SOS1: variants seen among roughly 807,000 people sequenced by gnomAD.
SOS1 encodes son of sevenless homolog 1.
A neutral mutation model predicts 157.6 loss-of-function variants in SOS1; 25 were observed. The ratio of observed to expected loss-of-function variants is 0.16; its 90% CI spans 0.12 to 0.22. The LOEUF is 0.22. SOS1 is among the 10% of genes least tolerant of loss of function. SOS1 has a pLI of 1.00. For missense variants in SOS1, 1,237 were observed against 1,599.1 expected, an observed-to-expected ratio of 0.77 and a Z score of 3.86; for synonymous variants, 528 against 534.0, an observed-to-expected ratio of 0.99 and a Z score of 0.16.
chr2:39,000,545 TTA>T (rs1442546027), intron 17 of SOS1, among the ~76,000 whole-genome samples: 4 of 152,156 alleles, frequency 2.6e-5, no homozygotes, highest in Non-Finnish European at 1.5e-5. Flanking sequence ...AAACAGAGCA[TTA>T]TGACAAAGAA....
At chr2:39,098,831 G>A (rs1672864753) in intron 1 of SOS1, among the ~76,000 whole-genome samples, 1 of 152,172 alleles carries the variant, frequency 6.6e-6, no homozygotes, top group South Asian at 2.1e-4. Context: ...GGAGGTTGCA[G>A]TGAGCCAAGA....
chr2:39,077,818 G>C (rs1323391469), intron 1 of SOS1, among the ~76,000 whole-genome samples: 1 of 152,156 alleles, frequency 6.6e-6, no homozygotes, highest in African/African-American at 2.4e-5. Context: ...GATGGATCAA[G>C]TACATAACGG....
intron 1 of SOS1, among the ~76,000 whole-genome samples, chr2:39,087,753 T>C (rs938475150): frequency 6.6e-6 from 1 of 151,974 alleles, no homozygotes; most frequent in African/African-American, 2.4e-5. Flanking sequence ...ACTGCAACCT[T>C]TGCCTCCCCT....
chr2:39,109,732 T>C (rs1202574763), intron 1 of SOS1, among the ~76,000 whole-genome samples: 1 of 152,190 alleles, frequency 6.6e-6, no homozygotes, highest in Non-Finnish European at 1.5e-5. Flanking sequence ...AACTGGGACA[T>C]TACCACTTTC....
At chr2:39,000,728 TC>T (rs1283757799) in intron 17 of SOS1, among the ~76,000 whole-genome samples, 1 of 152,254 alleles carries the variant, frequency 6.6e-6, no homozygotes, top group Non-Finnish European at 1.5e-5. Flanking sequence ...CTCTGCTCTT[TC>T]AAGGGAACAG....
intron 1 of SOS1, among the ~76,000 whole-genome samples, chr2:39,107,543 C>A (rs934281869): frequency 2.0e-5 from 3 of 151,962 alleles, no homozygotes; most frequent in African/African-American, 7.2e-5. Flanking sequence ...CCTTTTCCCC[C>A]CTCACAAGCA....
intron 20 of SOS1, 66 bp from the exon 21 acceptor site, chr2:38,989,380 A>C: frequency 1.0e-6 from 1 of 966,914 alleles, no homozygotes; most frequent in South Asian, 1.3e-5. Flanking sequence ...CATCTGCAAA[A>C]ATTTGTATTA....
At chr2:39,090,764 T>C (rs892439711) in intron 1 of SOS1, among the ~76,000 whole-genome samples, 3 of 152,202 alleles carry the variant, frequency 2.0e-5, no homozygotes, top group Admixed American at 6.5e-5. Context: ...AATGTATAGT[T>C]TATGTATATC....
intron 1 of SOS1, among the ~76,000 whole-genome samples, chr2:39,113,023 C>A (rs1457705231): frequency 3.3e-5 from 5 of 149,954 alleles, no homozygotes; most frequent in African/African-American, 4.9e-5. Context: ...GCGACAAGAG[C>A]AAGACTCTGT....
intron 6 of SOS1, among the ~76,000 whole-genome samples, chr2:39,045,271 A>AGTGTGTGTGT (rs1378934092): frequency 2.8e-5 from 2 of 71,102 alleles, no homozygotes; most frequent in African/African-American, 1.5e-4. Flanking sequence ...AGAGAGAGAG[A>AGTGTGTGTGT]GAGTGTGTGT....
At chr2:39,105,458 G>C (rs566800476) in intron 1 of SOS1, among the ~76,000 whole-genome samples, 52 of 152,202 alleles carry the variant, frequency 3.4e-4, no homozygotes, top group African/African-American at 1.2e-3. Flanking sequence ...CATATTTACA[G>C]TTGGGCTGCT....
intron 1 of SOS1, among the ~76,000 whole-genome samples, chr2:39,093,990 G>A (rs998079412): frequency 3.3e-5 from 5 of 152,142 alleles, no homozygotes; most frequent in Non-Finnish European, 7.3e-5. Flanking sequence ...TTCAAATATT[G>A]AATGTAGGAG....
intron 6 of SOS1, among the ~76,000 whole-genome samples, chr2:39,040,461 C>G (rs1221195308): frequency 6.6e-6 from 1 of 152,196 alleles, no homozygotes; most frequent in African/African-American, 2.4e-5. Flanking sequence ...AACTGAAACT[C>G]TGTATCCATT....
chr2:39,038,597 G>T (rs1670439137), intron 6 of SOS1, among the ~76,000 whole-genome samples: 1 of 151,322 alleles, frequency 6.6e-6, no homozygotes, highest in African/African-American at 2.4e-5. Context: ...AGCTGGGCAT[G>T]GTGGCACACA....
intron 8 of SOS1, among the ~76,000 whole-genome samples, chr2:39,031,114 G>A (rs1470820224): frequency 6.6e-6 from 1 of 152,166 alleles, no homozygotes; most frequent in Non-Finnish European, 1.5e-5. Flanking sequence ...ATAAATTTCT[G>A]TTGTTTATAA....
intron 15 of SOS1, 88 bp from the exon 16 acceptor site, chr2:39,007,281 G>T: frequency 1.1e-6 from 1 of 870,034 alleles, no homozygotes; most frequent in Non-Finnish European, 1.9e-6. Context: ...AAATAATGTA[G>T]AGAGTAGGGG....
intron 1 of SOS1, chr2:39,082,663 A>G (rs1212231448): frequency 6.6e-6 from 1 of 152,206 alleles, no homozygotes; most frequent in Non-Finnish European, 1.5e-5. Flanking sequence ...CAAGGATGAC[A>G]TGTATATTTG....
intron 1 of SOS1, among the ~76,000 whole-genome samples, chr2:39,081,873 T>C (rs923388685): frequency 1.3e-5 from 2 of 152,192 alleles, no homozygotes; most frequent in Non-Finnish European, 2.9e-5. Context: ...AATATTTTTA[T>C]AAAAACTTGC....
At chr2:39,117,476 T>G (rs899227649) in intron 1 of SOS1, among the ~76,000 whole-genome samples, 6 of 152,176 alleles carry the variant, frequency 3.9e-5, no homozygotes, top group African/African-American at 1.4e-4. Context: ...TCAGGAAAAG[T>G]AGCAGTCCGG....
Sources: allele counts gnomAD v4.1 joint callset (sites outside exome capture counted in the v4.1 genomes callset), GRCh38; gene constraint gnomAD v4.1.1; transcripts MANE v1.5; gene names NCBI Gene and HGNC (gene_info 2026-07-23, HGNC 2026-07-21).